Variants in BZW1 observed in about 807,000 individuals in gnomAD.
BZW1 encodes basic leucine zipper and W2 domains 1.
BZW1 carries 3 observed loss-of-function variants against 54.1 expected under a neutral mutation model. The observed-to-expected ratio is 0.06, with a 90% CI of 0.03 to 0.14. The LOEUF (loss-of-function observed/expected upper bound fraction) is 0.14. Ranked by LOEUF, BZW1 falls within the 10% of genes least tolerant of loss-of-function variation. The probability of loss-of-function intolerance (pLI) is 1.00; values close to 1 mark genes in which losing one functional copy is unlikely to be tolerated. For synonymous variants in BZW1, 152 were observed against 162.7 expected (o/e 0.93, Z 0.50); for missense variants, 206 against 491.7 (o/e 0.42, Z 5.50).
At chr2:200,812,559 A>G (rs1169436791) in intron 1 of BZW1, 1 of 1,408,178 alleles carries the variant, frequency 7.1e-7, no homozygotes, top group Non-Finnish European at 9.2e-7. Flanking sequence ...CCTGGGCGGG[A>G]AGCGGGTGAT....
In BZW1 at chr2:200,825,839, G is replaced by C. The variant is rs977751474; in HGVS notation, c.*3661G>C. ...GTAGATGCCAAAGTTTTAGTGTACA[G>C]TGTTACTTAAATTACCAAATTACCT... On this transcript the variant is annotated 3_prime_UTR_variant, in exon 12 of 12. Coordinates refer to ENST00000409600, the MANE Select transcript of BZW1 (RefSeq NM_001207067.2). The C allele has an allele frequency of 7.9e-5, 12 of 152,192 alleles. No homozygotes were observed. The highest frequency in any genetic ancestry group is 2.9e-4 in the African/African-American group (12 of 41,454). The allele number at this position is 152,192 out of a possible 1,614,324, so 9.4% of individuals were successfully genotyped here. A position where few individuals can be genotyped will look rare whatever the true frequency, so the allele number is the denominator to read the frequency against.
In BZW1 at chr2:200,823,248, C is replaced by A. The variant is rs565417904; in HGVS notation, c.*1070C>A. The A allele has an allele frequency of 6.0e-6, 1 of 165,626 alleles. No homozygotes were observed. Among genetic ancestry groups the A allele is most frequent in the African/African-American group, 2.4e-5 (1 of 41,450 alleles). 10.3% of individuals were successfully genotyped at this position (165,626 alleles called of 1,614,324 possible). ...CTACTCGGTCATACTGGACTGGCTTCGTTCTCTTAATATACTCAGTAATGA... is the reference window on the plus strand; with the variant it reads ...CTACTCGGTCATACTGGACTGGCTTAGTTCTCTTAATATACTCAGTAATGA... On this transcript the variant is annotated 3_prime_UTR_variant, in exon 12 of 12. Coordinates refer to ENST00000409600, the MANE Select transcript of BZW1 (RefSeq NM_001207067.2).
intron 10 of BZW1, 88 bp from the exon 11 acceptor site, chr2:200,821,095 C>G (rs1015957170): frequency 1.4e-6 from 2 of 1,480,360 alleles, no homozygotes; most frequent in East Asian, 4.6e-5. Flanking sequence ...AGTTTGTTTG[C>G]TAAGCAGGCA....
rs746303669 is a variant in BZW1, at chr2:200,813,489, C to A, written c.64+208C>A. Reference sequence around the variant, plus strand: ...GCCTTAATTTTTAGTATCAATATATCTCTAAGCCGGTTAGTGAATCTTCTT... The same window carrying A: ...GCCTTAATTTTTAGTATCAATATATATCTAAGCCGGTTAGTGAATCTTCTT... On this transcript the variant is annotated intron_variant, in intron 2 of 11. Transcript: ENST00000409600. 9.9e-4 allele frequency: 422 copies of A among 427,974 alleles called. 1 individual carries two copies. Among genetic ancestry groups the A allele is most frequent in the Non-Finnish European group, 1.5e-3 (363 of 241,590 alleles). 26.5% of individuals were successfully genotyped at this position (427,974 alleles called of 1,614,324 possible). A position where few individuals can be genotyped will look rare whatever the true frequency, so the allele number is the denominator to read the frequency against.
chr2:200,818,199 T>A, intron 7 of BZW1, 24 bp from the exon 8 acceptor site: 1 of 1,539,018 alleles, frequency 6.5e-7, no homozygotes, highest in Non-Finnish European at 8.7e-7. Context: ...AAAGAAAGTT[T>A]AACCAGATAA....
intron 6 of BZW1, among the ~76,000 whole-genome samples, 188 bp from the exon 7 acceptor site, chr2:200,817,786 C>T (rs1402327855): frequency 6.6e-6 from 1 of 152,090 alleles, no homozygotes; most frequent in African/African-American, 2.4e-5. Flanking sequence ...CAAGAATATA[C>T]AATTTGCAAG....
chr2:200,823,484 T>G lies in BZW1; in HGVS notation c.*1306T>G, dbSNP rs1222285537. On this transcript the variant is annotated 3_prime_UTR_variant, in exon 12 of 12. Transcript: ENST00000409600. ...GACTTTGTGTTAAAAGTGAACATTT[T>G]GAAGGTTTTTAACTGGTGAAACTAG... 6.6e-6 allele frequency: 1 copy of G among 151,718 alleles called. No homozygotes were observed. 9.4% of individuals were successfully genotyped at this position (151,718 alleles called of 1,614,324 possible). A position where few individuals can be genotyped will look rare whatever the true frequency, so the allele number is the denominator to read the frequency against.
At position 200,827,090 on chromosome 2, in the gene BZW1, CT is replaced by C. The variant is rs2038721914; in HGVS notation, c.*4913del. 1 of 152,088 alleles carries C rather than the reference CT, an allele frequency of 6.6e-6. No homozygotes were observed. Among genetic ancestry groups the C allele is most frequent in the Non-Finnish European group, 1.5e-5 (1 of 68,026 alleles). 9.4% of individuals were successfully genotyped at this position (152,088 alleles called of 1,614,324 possible). A position where few individuals can be genotyped will look rare whatever the true frequency, so the allele number is the denominator to read the frequency against. ...TGGCATTTGAAGAACAAAATATTTTCTCTGTAAATACACCTCATTTCCATTC... is the reference window on the plus strand; with the variant it reads ...TGGCATTTGAAGAACAAAATATTTTCCTGTAAATACACCTCATTTCCATTC... On this transcript the variant is annotated 3_prime_UTR_variant, in exon 12 of 12. Coordinates refer to ENST00000409600, the MANE Select transcript of BZW1 (RefSeq NM_001207067.2).
Position 200,818,265 on chromosome 2 carries a change from A to G in BZW1, c.691A>G (p.Lys231Glu), listed in dbSNP as rs1473196058. The G allele has an allele frequency of 3.7e-6, 6 of 1,605,192 alleles. No individual in the cohort carries two copies. The Admixed American group carries it at 5.2e-5, about 14-fold the overall frequency. The change falls in exon 8 of 12, where the codon AAA becomes GAA. Residue 231 changes from lysine (K) to glutamate (E), a missense_variant. Transcript: ENST00000409600. The stretch of plus-strand genomic sequence containing the variant: ...TAAGCAAAGTGTTGAACACTTCACA[A>G]AATATTTTACTGAGGCAGGCTTGAA... The part of the protein sequence containing the change: ...ANKQSVEHFT[K>E]YFTEAGLKEL...
chr2:200,812,527 G>T (rs1328001531), intron 1 of BZW1: 2 of 1,391,232 alleles, frequency 1.4e-6, no homozygotes, highest in Non-Finnish European at 1.9e-6. Flanking sequence ...ACCCTACGGC[G>T]CCCCGCTGTG....
chr2:200,811,626 C>A (rs954837801), upstream of BZW1: 1 of 152,250 alleles, frequency 6.6e-6, no homozygotes, highest in African/African-American at 2.4e-5. Context: ...CGGGGGCCGG[C>A]TCCGCTCTTC....
intron 2 of BZW1, 152 bp downstream of exon 2, chr2:200,813,433 C>G: frequency 3.1e-6 from 2 of 638,548 alleles, no homozygotes; most frequent in East Asian, 2.8e-5. Flanking sequence ...TTCACATACA[C>G]CTTTAATATT....
At position 200,822,295 on chromosome 2, in the gene BZW1, T is replaced by G; in HGVS notation, c.*117T>G. Reference sequence around the variant, plus strand: ...CTGTATCAAGCATGATATAAGGGCTTTCATGGCAAATTTTATTTTAACTGT... The same window carrying G: ...CTGTATCAAGCATGATATAAGGGCTGTCATGGCAAATTTTATTTTAACTGT... On this transcript the variant is annotated 3_prime_UTR_variant, in exon 12 of 12. Transcript: ENST00000409600. The G allele has an allele frequency of 1.2e-6, 1 of 819,302 alleles. No individual in the cohort carries two copies. Among genetic ancestry groups the G allele is most frequent in the Non-Finnish European group, 1.9e-6 (1 of 532,268 alleles). The allele number at this position is 819,302 out of a possible 1,614,324, so 50.8% of individuals were successfully genotyped here.
At position 200,815,545 on chromosome 2, in the gene BZW1, T is replaced by C. The variant is rs781123129; in HGVS notation, c.241+28T>C. 9.3e-6 allele frequency: 15 copies of C among 1,612,420 alleles called. No homozygotes were observed. In the African/African-American group the frequency reaches 1.5e-4, roughly 16 times the overall value. The stretch of plus-strand genomic sequence containing the variant: ...AAGTGTCTGTGGTTTGTGGGCTTAA[T>C]AATTTAGAAAGGTATAATATATGGA... On this transcript the variant is annotated intron_variant, in intron 3 of 11. Coordinates refer to ENST00000409600, the MANE Select transcript of BZW1 (RefSeq NM_001207067.2).
chr2:200,825,359 AT>A lies in BZW1; in HGVS notation c.*3193del, dbSNP rs200664261. The A allele has an allele frequency of 6.7e-5, 10 of 149,034 alleles. No individual in the cohort carries two copies. Among genetic ancestry groups the A allele is most frequent in the East Asian group, 2.0e-4 (1 of 5,126 alleles). 9.2% of individuals were successfully genotyped at this position (149,034 alleles called of 1,614,324 possible). A position where few individuals can be genotyped will look rare whatever the true frequency, so the allele number is the denominator to read the frequency against. Reference sequence around the variant, plus strand: ...AGGCGTGAGCCACCATGCCCAACCAATTTTTTTTTTTTAAATCCTTGGTAGT... The same window carrying A: ...AGGCGTGAGCCACCATGCCCAACCAATTTTTTTTTTTAAATCCTTGGTAGT... On this transcript the variant is annotated 3_prime_UTR_variant, in exon 12 of 12. Transcript: ENST00000409600.
In BZW1 at chr2:200,811,956, G is replaced by A. The variant is rs775964300; in HGVS notation, c.-45G>A. ...ACCGCCGCAGTTGCCGGTACATCGG[G>A]GATTTCTGGCTCTTTCCTCTTCGCC... On this transcript the variant is annotated 5_prime_UTR_variant, in exon 1 of 12. Coordinates refer to ENST00000409600, the MANE Select transcript of BZW1 (RefSeq NM_001207067.2). 6.0e-5 allele frequency: 19 copies of A among 315,232 alleles called. No homozygotes were observed. The highest frequency in any genetic ancestry group is 7.5e-5 in the Non-Finnish European group (13 of 173,210). 19.5% of individuals were successfully genotyped at this position (315,232 alleles called of 1,614,324 possible).
intron 10 of BZW1, 174 bp downstream of exon 10, chr2:200,820,294 A>T: frequency 2.0e-6 from 1 of 506,646 alleles, no homozygotes; most frequent in African/African-American, 2.0e-5. Context: ...TGTTTAAAAC[A>T]TCTAAACCCT....
intron 10 of BZW1, among the ~76,000 whole-genome samples, chr2:200,820,583 G>A (rs530226649): frequency 8.5e-5 from 13 of 152,190 alleles, no homozygotes; most frequent in Non-Finnish European, 1.9e-4. Flanking sequence ...TCAGAAGGCT[G>A]AGGTAGGAGG....
rs1575065198 is a variant in BZW1, at chr2:200,826,488, A to C, written c.*4310A>C. On this transcript the variant is annotated 3_prime_UTR_variant, in exon 12 of 12. Coordinates refer to ENST00000409600, the MANE Select transcript of BZW1 (RefSeq NM_001207067.2). ...CGCCCAGGCGGGAGTGCAGTGGCACAATCTCGGCTCACTGCAAGCTCCGCC... is the reference window on the plus strand; with the variant it reads ...CGCCCAGGCGGGAGTGCAGTGGCACCATCTCGGCTCACTGCAAGCTCCGCC... 7.3e-6 allele frequency: 1 copy of C among 137,338 alleles called. No individual in the cohort carries two copies. The highest frequency in any genetic ancestry group is 2.8e-5 in the African/African-American group (1 of 35,734). 8.5% of individuals were successfully genotyped at this position (137,338 alleles called of 1,614,324 possible).
Sources: gnomAD v4.1 joint callset for allele counts (sites outside exome capture counted in the v4.1 genomes callset) on GRCh38, gnomAD v4.1.1 for gene constraint, MANE v1.5 for transcripts, NCBI Gene and HGNC (gene_info 2026-07-23, HGNC 2026-07-21) for gene names.